The following MB21D2 variants were observed in gnomAD, a reference collection of about 807,000 sequenced individuals.
MB21D2 encodes Mab-21 domain containing 2.
Under a neutral mutation model 33.3 loss-of-function variants are expected in MB21D2, and 9 were observed. The ratio of observed to expected loss-of-function variants is 0.27; its 90% CI spans 0.16 to 0.47. The LOEUF is 0.47. Among genes scored for constraint, MB21D2 ranks in the 20% least tolerant of loss-of-function variants. The probability of loss-of-function intolerance (pLI) is 0.99; values close to 1 mark genes in which losing one functional copy is unlikely to be tolerated. For missense variants in MB21D2, 540 were observed against 624.6 expected, an observed-to-expected ratio of 0.86 and a Z score of 1.44; for synonymous variants, 241 against 236.3, an observed-to-expected ratio of 1.02 and a Z score of -0.18.
At chr3:192,871,143 C>T (rs747743337) in intron 1 of MB21D2, among the ~76,000 whole-genome samples, 2 of 152,152 alleles carry the variant, frequency 1.3e-5, no homozygotes, top group African/African-American at 4.8e-5. Context: ...GGCATATTCA[C>T]GAAGGCACGG....
rs186841162 is a variant in MB21D2, at chr3:192,797,250, A to C, written c.*1136T>G. 5 of 152,738 alleles carry C rather than the reference A, an allele frequency of 3.3e-5. No homozygotes were observed. Among genetic ancestry groups the C allele is most frequent in the Non-Finnish European group, 7.4e-5 (5 of 68,024 alleles). The allele number at this position is 152,738 out of a possible 1,614,324, so 9.5% of individuals were successfully genotyped here. ...CTTTTGAACAGACGTGGTATCTTCT[A>C]TTTGGGGATTATAAGTTCTTCCTGC... On this transcript the variant is annotated 3_prime_UTR_variant, in exon 2 of 2. Transcript: ENST00000392452.
intron 1 of MB21D2, among the ~76,000 whole-genome samples, chr3:192,835,097 C>G (rs1213373624): frequency 8.1e-5 from 12 of 147,972 alleles, no homozygotes; most frequent in Non-Finnish European, 1.6e-4. Flanking sequence ...CGTGAGCCAC[C>G]ACGCCTGGCC....
intron 1 of MB21D2, among the ~76,000 whole-genome samples, chr3:192,915,895 T>C (rs1396707547): frequency 6.6e-6 from 1 of 152,034 alleles, no homozygotes; most frequent in Non-Finnish European, 1.5e-5. Context: ...GCAAGTGACA[T>C]CAGAACTGAT....
rs373398809 is a variant in MB21D2, at chr3:192,799,693, C to T, written c.212-43G>A. ...AAAAACAACACTATTACAGGAAACACAGACATAAGAGTCTTATGCATGAAA... is the reference window on the plus strand; with the variant it reads ...AAAAACAACACTATTACAGGAAACATAGACATAAGAGTCTTATGCATGAAA... On this transcript the variant is annotated intron_variant, in intron 1 of 1. Coordinates refer to ENST00000392452, the MANE Select transcript of MB21D2 (RefSeq NM_178496.4). This position sits in a 1 kb window ranked among gnomAD's most constrained non-coding sequence, Gnocchi z 4.1. 1.9e-6 allele frequency: 3 copies of T among 1,567,656 alleles called. No individual in the cohort carries two copies. The highest frequency in any genetic ancestry group is 1.4e-5 in the African/African-American group (1 of 73,426).
intron 1 of MB21D2, among the ~76,000 whole-genome samples, chr3:192,907,451 A>C (rs1426938456): frequency 6.6e-6 from 1 of 152,164 alleles, no homozygotes; most frequent in African/African-American, 2.4e-5. Context: ...AAGAGTAGAA[A>C]AGTCTACAAG....
At chr3:192,806,190 A>T (rs963608257) in intron 1 of MB21D2, among the ~76,000 whole-genome samples, 2 of 152,176 alleles carry the variant, frequency 1.3e-5, no homozygotes, top group Admixed American at 1.3e-4. Context: ...CTTGACCTGA[A>T]CTAAATTAGC....
intron 1 of MB21D2, among the ~76,000 whole-genome samples, chr3:192,846,065 C>T (rs899626548): frequency 6.6e-6 from 1 of 152,124 alleles, no homozygotes; most frequent in Non-Finnish European, 1.5e-5. Context: ...GCCTGAGACC[C>T]TGTCTCAAAA....
intron 1 of MB21D2, among the ~76,000 whole-genome samples, chr3:192,830,142 A>G (rs1712280754): frequency 6.6e-6 from 1 of 152,110 alleles, no homozygotes; most frequent in Admixed American, 6.5e-5. Flanking sequence ...GTAAGCCACC[A>G]CACCAGGCTA....
At chr3:192,872,997 A>G (rs1402680247) in intron 1 of MB21D2, among the ~76,000 whole-genome samples, 1 of 107,234 alleles carries the variant, frequency 9.3e-6, no homozygotes, top group Non-Finnish European at 1.8e-5. Flanking sequence ...AAAATTCACA[A>G]GTTTAGAAGA....
At chr3:192,834,760 C>A (rs185522329) in intron 1 of MB21D2, among the ~76,000 whole-genome samples, 2 of 151,332 alleles carry the variant, frequency 1.3e-5, no homozygotes, top group African/African-American at 2.4e-5. Context: ...CCTTGAATTG[C>A]GCAGACAATT....
intron 1 of MB21D2, among the ~76,000 whole-genome samples, chr3:192,908,088 A>G (rs949431912): frequency 1.3e-5 from 2 of 152,192 alleles, no homozygotes; most frequent in Non-Finnish European, 2.9e-5. Flanking sequence ...ACATAAGGAG[A>G]TAAGATCAAA....
chr3:192,878,855 T>C (rs944829162), intron 1 of MB21D2, among the ~76,000 whole-genome samples: 1 of 152,160 alleles, frequency 6.6e-6, no homozygotes, highest in Non-Finnish European at 1.5e-5. Context: ...TCCCAGCTAC[T>C]GGGGAGGCTG....
At chr3:192,834,168 G>A (rs138995406) in intron 1 of MB21D2, among the ~76,000 whole-genome samples, 3 of 152,010 alleles carry the variant, frequency 2.0e-5, no homozygotes, top group African/African-American at 4.8e-5. Context: ...ATCCAGTTAT[G>A]AGGCCGGGCA....
At chr3:192,854,235 A>C (rs928241187) in intron 1 of MB21D2, among the ~76,000 whole-genome samples, 10 of 152,226 alleles carry the variant, frequency 6.6e-5, no homozygotes, top group African/African-American at 2.4e-4. Context: ...AAGTTCTTGA[A>C]GGAAATTAAA....
At chr3:192,846,896 G>T (rs560918006) in intron 1 of MB21D2, among the ~76,000 whole-genome samples, 9 of 152,100 alleles carry the variant, frequency 5.9e-5, no homozygotes, top group Non-Finnish European at 1.0e-4. Context: ...GCAGCTGCAC[G>T]CATGGGCACC....
chr3:192,890,892 G>A (rs1713838699), intron 1 of MB21D2, among the ~76,000 whole-genome samples: 1 of 152,000 alleles, frequency 6.6e-6, no homozygotes, highest in African/African-American at 2.4e-5. Context: ...AAGAAAGAAT[G>A]GTGATTTTAA....
chr3:192,800,415 A>C (rs749499660), intron 1 of MB21D2, among the ~76,000 whole-genome samples: 1 of 152,130 alleles, frequency 6.6e-6, no homozygotes, highest in African/African-American at 2.4e-5. Context: ...CATTGTACTA[A>C]TGGCACAGAA....
chr3:192,912,541 C>T (rs1487752859), intron 1 of MB21D2, among the ~76,000 whole-genome samples: 2 of 151,884 alleles, frequency 1.3e-5, no homozygotes, highest in East Asian at 1.9e-4. Context: ...GGTGTGGTAG[C>T]GGGCGCCTGT....
chr3:192,866,300 T>C (rs114004878), intron 1 of MB21D2, among the ~76,000 whole-genome samples: 141 of 152,294 alleles, frequency 9.3e-4, no homozygotes, highest in African/African-American at 3.3e-3. Context: ...AGGAATCACA[T>C]TCTTCCTGAA....
Sources: allele counts gnomAD v4.1 joint callset (sites outside exome capture counted in the v4.1 genomes callset), GRCh38; gene constraint gnomAD v4.1.1; non-coding constraint Gnocchi (gnomAD v3.1); transcripts MANE v1.5; gene names NCBI Gene and HGNC (gene_info 2026-07-23, HGNC 2026-07-21).